The following ABTB2 variants were observed in gnomAD, a reference collection of about 807,000 sequenced individuals.
ABTB2 encodes the protein ankyrin repeat and BTB/POZ domain-containing protein 2.
Under a neutral mutation model 104.1 loss-of-function variants are expected in ABTB2, and 56 were observed. The observed-to-expected ratio is 0.54, with a 90% CI of 0.43 to 0.67. The LOEUF is 0.67. Ranked by LOEUF, ABTB2 falls within the 30% of genes least tolerant of loss-of-function variation. The pLI, the probability that ABTB2 is intolerant of heterozygous loss-of-function variation, is 0.00. For missense variants in ABTB2, 1,279 were observed against 1,407.7 expected (o/e 0.91, Z 1.46); for synonymous variants, 606 against 608.2 (o/e 1.00, Z 0.05).
At chr11:34,234,900 C>T (rs10836162) in intron 1 of ABTB2, among the ~76,000 whole-genome samples, 2 of 152,066 alleles carry the variant, frequency 1.3e-5, no homozygotes, top group Non-Finnish European at 2.9e-5. Flanking sequence ...CTCCTTCGCC[C>T]AGGCTGGAGT....
intron 1 of ABTB2, among the ~76,000 whole-genome samples, chr11:34,214,767 T>A (rs1853529757): frequency 6.6e-6 from 1 of 152,190 alleles, no homozygotes; most frequent in African/African-American, 2.4e-5. Flanking sequence ...CATGGTATAC[T>A]TTTAGATGAT....
At chr11:34,325,820 A>C in intron 1 of ABTB2, among the ~76,000 whole-genome samples, 1 of 152,048 alleles carries the variant, frequency 6.6e-6, no homozygotes, top group Non-Finnish European at 1.5e-5. Context: ...GTGTGGTGGC[A>C]CATGCCCGTA....
chr11:34,154,664 C>T lies in ABTB2; in HGVS notation c.2766+37G>A. 6.2e-7 allele frequency: 1 copy of T among 1,609,432 alleles called. No homozygotes were observed. The highest frequency in any genetic ancestry group is 8.5e-7 in the Non-Finnish European group (1 of 1,176,372). On this transcript the variant is annotated intron_variant, in intron 15 of 16. Transcript: ENST00000435224. This position sits in a 1 kb window ranked among gnomAD's most constrained non-coding sequence, Gnocchi z 4.9. ...AATGGGAGACCGAGCCGCTGGGCACCCTAGCCCAGGCCCCCTCCCCCTCTC... is the reference window on the plus strand; with the variant it reads ...AATGGGAGACCGAGCCGCTGGGCACTCTAGCCCAGGCCCCCTCCCCCTCTC...
chr11:34,301,755 G>A (rs922873643), intron 1 of ABTB2, among the ~76,000 whole-genome samples: 7 of 152,200 alleles, frequency 4.6e-5, no homozygotes, highest in Non-Finnish European at 7.3e-5. Context: ...ATGCCAAGGC[G>A]GGAGGATGGC....
At chr11:34,241,069 G>A (rs778577952) in intron 1 of ABTB2, among the ~76,000 whole-genome samples, 2 of 152,098 alleles carry the variant, frequency 1.3e-5, no homozygotes, top group African/African-American at 4.8e-5. Flanking sequence ...TTTCTGTTTC[G>A]AGTTGCATTA....
intron 1 of ABTB2, among the ~76,000 whole-genome samples, chr11:34,290,433 T>C (rs1332181199): frequency 6.6e-6 from 1 of 152,220 alleles, no homozygotes; most frequent in Non-Finnish European, 1.5e-5. Context: ...AAATGTGTGG[T>C]TCTTCTCTGT....
rs1046892450 is a variant in ABTB2 at position 34,297,732 on chromosome 11, C to T, written c.883+58969G>A. Reference sequence around the variant, plus strand: ...AGTGAGCTGAGATCACGCCATTGCACTCCAGCCTGGGCAACAAGAGTGAAA... The same window carrying T: ...AGTGAGCTGAGATCACGCCATTGCATTCCAGCCTGGGCAACAAGAGTGAAA... On this transcript the variant is annotated intron_variant, in intron 1 of 16. Coordinates refer to ENST00000435224, the MANE Select transcript of ABTB2 (RefSeq NM_145804.3). 2.8e-4 allele frequency among the ~76,000 whole-genome samples: 39 copies of T among 138,602 alleles called. 1 individual carries two copies. Among genetic ancestry groups the T allele is most frequent in the Admixed American group, 2.2e-3 (28 of 12,740 alleles). 90.9% of individuals were successfully genotyped at this position (138,602 alleles called of 152,430 possible). A position where few individuals can be genotyped will look rare whatever the true frequency, so the allele number is the denominator to read the frequency against.
At chr11:34,238,721 A>G (rs968671472) in intron 1 of ABTB2, among the ~76,000 whole-genome samples, 1 of 152,148 alleles carries the variant, frequency 6.6e-6, no homozygotes, top group African/African-American at 2.4e-5. Flanking sequence ...TCCCAAGACT[A>G]TTCTTTCCTT....
At chr11:34,160,851 G>T in intron 11 of ABTB2, 52 bp downstream of exon 11, 1 of 1,542,516 alleles carries the variant, frequency 6.5e-7, no homozygotes, top group Non-Finnish European at 8.8e-7. Context: ...TGTGTGTCCC[G>T]TGGTCTGAGT....
chr11:34,323,906 CTTTTTTTTT>C (rs56375939), intron 1 of ABTB2, among the ~76,000 whole-genome samples: 23 of 63,930 alleles, frequency 3.6e-4, no homozygotes, highest in African/African-American at 1.6e-3. Context: ...TAAATTCCCT[CTTTTTTTTT>C]TTTTTTTTTT....
At chr11:34,158,444 C>T (rs1852660544) in intron 14 of ABTB2, among the ~76,000 whole-genome samples, 2 of 152,126 alleles carry the variant, frequency 1.3e-5, no homozygotes. Flanking sequence ...TTAGAGGTGG[C>T]CCCATGTGCT....
At chr11:34,296,757 T>G (rs1371392108) in intron 1 of ABTB2, among the ~76,000 whole-genome samples, 2 of 152,192 alleles carry the variant, frequency 1.3e-5, no homozygotes, top group Non-Finnish European at 2.9e-5. Context: ...AAACTATTTC[T>G]TTTAAAGGAG....
intron 3 of ABTB2, among the ~76,000 whole-genome samples, chr11:34,187,077 G>A (rs1039861957): frequency 2.0e-5 from 3 of 152,150 alleles, no homozygotes; most frequent in Non-Finnish European, 4.4e-5. Context: ...CCTCCTCAAG[G>A]CCTCAGTCTG....
Position 34,357,030 on chromosome 11 carries a change from T to C in ABTB2, c.554A>G (p.Tyr185Cys). 1 of 1,547,758 alleles carries C rather than the reference T, an allele frequency of 6.5e-7. No homozygotes were observed. Among genetic ancestry groups the C allele is most frequent in the Non-Finnish European group, 8.7e-7 (1 of 1,148,424 alleles). ...ALAAVKALSL[Y>C]SMSAGDGLRR... ...CAGCCCGTCGCCGGCGCTCATGCTG[T>C]ACAGGGACAGCGCCTTGACGGCTGC... Residue 185 changes from tyrosine to cysteine, a missense_variant, in exon 1 of 17, where the codon TAC becomes TGC. By Grantham distance (194) the Tyr-to-Cys change is radical. Coordinates refer to ENST00000435224, the MANE Select transcript of ABTB2 (RefSeq NM_145804.3).
rs759135608 is a variant in ABTB2 at position 34,173,174 on chromosome 11, A to G, written c.1378T>C (p.Cys460Arg). 1.2e-5 allele frequency: 19 copies of G among 1,613,702 alleles called. 1 individual carries two copies. The South Asian group carries it at 2.1e-4, about 18-fold the overall frequency. ...TCATACTTGAGCTGCCGAGGTTCAC[A>G]GTCCAGACCAGGCAGCAGCAGCCGG... ...AARLLLPGLD[C>R]EPRQLKPEHC... The change falls in exon 4 of 17, where the codon TGT (cysteine) becomes CGT (arginine). Residue 460 changes from cysteine to arginine, a missense_variant. By Grantham distance (180) the Cys-to-Arg change is radical. Transcript: ENST00000435224.
chr11:34,255,732 G>A (rs1315597492), intron 1 of ABTB2, among the ~76,000 whole-genome samples: 2 of 152,274 alleles, frequency 1.3e-5, no homozygotes, highest in East Asian at 3.9e-4. Context: ...GCCCAGGCTG[G>A]TCTTGAACTG....
intron 1 of ABTB2, among the ~76,000 whole-genome samples, chr11:34,248,683 T>C (rs183505022): frequency 4.6e-5 from 7 of 152,344 alleles, no homozygotes; most frequent in Admixed American, 1.3e-4. Context: ...AACAAGTTAA[T>C]TAGTTCACAA....
At chr11:34,184,854 C>T (rs534322451) in intron 3 of ABTB2, among the ~76,000 whole-genome samples, 95 of 152,360 alleles carry the variant, frequency 6.2e-4, no homozygotes, top group Middle Eastern at 3.4e-3. Flanking sequence ...CTCCCATGAG[C>T]GGTGTTTGTG....
At chr11:34,259,190 G>A (rs996208425) in intron 1 of ABTB2, among the ~76,000 whole-genome samples, 1 of 152,130 alleles carries the variant, frequency 6.6e-6, no homozygotes, top group Non-Finnish European at 1.5e-5. Flanking sequence ...ACCCTAGTCC[G>A]CCCTCTGCTC....
Sources: gnomAD v4.1 joint callset for allele counts (sites outside exome capture counted in the v4.1 genomes callset) on GRCh38, gnomAD v4.1.1 for gene constraint, Gnocchi (gnomAD v3.1) non-coding constraint, MANE v1.5 for transcripts, NCBI Gene and HGNC (gene_info 2026-07-23, HGNC 2026-07-21) for gene names.